Variants in ZNF536 observed in about 807,000 individuals in gnomAD.
ZNF536 encodes the protein zinc finger protein 536.
In ZNF536, 13 loss-of-function variants were observed where a neutral mutation model predicts 84.5. The observed-to-expected ratio is 0.15, with a 90% CI of 0.10 to 0.24. The LOEUF is 0.24. ZNF536 is among the 10% of genes least tolerant of loss of function. The probability of loss-of-function intolerance (pLI) is 1.00; values close to 1 mark genes in which losing one functional copy is unlikely to be tolerated. For synonymous variants in ZNF536, 811 were observed against 742.5 expected (o/e 1.09, Z -1.50); for missense variants, 1,536 against 1,747.5 (o/e 0.88, Z 2.16).
Position 30,689,273 on chromosome 19 carries a change from C to T in ZNF536, c.170-21484C>T, listed in dbSNP as rs952749031. 2.0e-5 allele frequency among the ~76,000 whole-genome samples: 3 copies of T among 152,220 alleles called. No individual in the cohort carries two copies. In the East Asian group the frequency reaches 5.8e-4, roughly 29 times the overall value. On this transcript the variant is annotated intron_variant, in intron 1 of 1. Transcript: ENST00000592773. ...GAATTATTTGGAGCTTTACGCTAAC[C>T]TAACACTGGATATTATCCTGTTGTT...
At chr19:30,321,459 G>C (rs1207867927) in intron 2 of ZNF536, among the ~76,000 whole-genome samples, 1 of 152,174 alleles carries the variant, frequency 6.6e-6, no homozygotes. Flanking sequence ...TCAGGGGACT[G>C]AGGCAGGAGA....
At chr19:30,525,840 A>G (rs2044550645) in intron 2 of ZNF536, among the ~76,000 whole-genome samples, 2 of 152,182 alleles carry the variant, frequency 1.3e-5, no homozygotes, top group South Asian at 4.1e-4. Context: ...CAGAAAGGTG[A>G]GGGTTGGAGT....
At chr19:30,232,008 C>T (rs2023088802) in intron 1 of ZNF536, among the ~76,000 whole-genome samples, 1 of 151,850 alleles carries the variant, frequency 6.6e-6, no homozygotes, top group African/African-American at 2.4e-5. Flanking sequence ...AATGCATCTT[C>T]AGAATAGAGA....
intron 1 of ZNF536, among the ~76,000 whole-genome samples, chr19:30,261,176 T>C (rs888173691): frequency 6.7e-6 from 1 of 149,006 alleles, no homozygotes; most frequent in Non-Finnish European, 1.5e-5. Flanking sequence ...CGGGCGCCTG[T>C]AGTCCCAGCT....
chr19:30,268,142 T>C (rs906487919), intron 1 of ZNF536, among the ~76,000 whole-genome samples: 2 of 149,118 alleles, frequency 1.3e-5, no homozygotes, highest in East Asian at 4.1e-4. Context: ...TTTCCTGAGA[T>C]CCTTTGCAAT....
At chr19:30,493,903 G>A (rs1219787443) in intron 2 of ZNF536, among the ~76,000 whole-genome samples, 3 of 152,102 alleles carry the variant, frequency 2.0e-5, no homozygotes, top group Admixed American at 6.5e-5. Context: ...CTCATACGTG[G>A]AGTGTTTGCA....
intron 1 of ZNF536, among the ~76,000 whole-genome samples, chr19:30,404,171 C>T (rs1017353825): frequency 2.6e-5 from 4 of 152,226 alleles, no homozygotes; most frequent in Non-Finnish European, 5.9e-5. Flanking sequence ...CCACGCAGGG[C>T]CTGCCTACCT....
upstream of ZNF536, among the ~76,000 whole-genome samples, chr19:30,370,867 G>A (rs1364878321): frequency 2.0e-5 from 3 of 152,176 alleles, no homozygotes; most frequent in Non-Finnish European, 2.9e-5. Flanking sequence ...TTGCAAAAAC[G>A]TAATTGCTTC....
chr19:30,466,173 TGA>T (rs1213395372), intron 2 of ZNF536, among the ~76,000 whole-genome samples: 9 of 149,790 alleles, frequency 6.0e-5, no homozygotes, highest in African/African-American at 2.2e-4. Flanking sequence ...CAGTGAGCAA[TGA>T]TCGTTCCACT....
At chr19:30,501,649 C>T (rs1197443100) in intron 2 of ZNF536, among the ~76,000 whole-genome samples, 1 of 152,186 alleles carries the variant, frequency 6.6e-6, no homozygotes, top group African/African-American at 2.4e-5. Flanking sequence ...CATACTGAGA[C>T]TCACACACCT....
chr19:30,679,936 T>C (rs113442116), intron 1 of ZNF536, among the ~76,000 whole-genome samples: 5,337 of 152,158 alleles, frequency 0.035, 112 homozygotes, highest in Middle Eastern at 0.072. Context: ...ACGAGTTTCC[T>C]GCCACCTGGT....
At chr19:30,295,312 A>G (rs575163022) in intron 2 of ZNF536, among the ~76,000 whole-genome samples, 41 of 151,832 alleles carry the variant, frequency 2.7e-4, no homozygotes, top group Non-Finnish European at 4.6e-4. Context: ...GACTTGCCCT[A>G]CAGGAAACAG....
intron 1 of ZNF536, among the ~76,000 whole-genome samples, chr19:30,390,832 G>C (rs985964448): frequency 5.3e-5 from 8 of 152,128 alleles, no homozygotes; most frequent in African/African-American, 2.4e-5. Context: ...CTCAGCCCCC[G>C]TTGGCACCAA....
At chr19:30,708,227 T>C (rs76702783) in intron 1 of ZNF536, among the ~76,000 whole-genome samples, 7,864 of 152,232 alleles carry the variant, frequency 0.052, 274 homozygotes, top group Non-Finnish European at 0.074. Flanking sequence ...GGCATCCTGC[T>C]GATCAAAGCC....
At chr19:30,431,089 G>A (rs555883685) in intron 1 of ZNF536, among the ~76,000 whole-genome samples, 1 of 152,176 alleles carries the variant, frequency 6.6e-6, no homozygotes, top group African/African-American at 2.4e-5. Context: ...TTCGAAATTG[G>A]TCTTTGTCCC....
intron 1 of ZNF536, among the ~76,000 whole-genome samples, chr19:30,373,054 G>T (rs1186650643): frequency 1.3e-5 from 2 of 152,140 alleles, no homozygotes; most frequent in African/African-American, 4.8e-5. Context: ...AGAAAACTCC[G>T]CATCGGGATC....
chr19:30,573,388 C>G (rs1383839557), intron 1 of ZNF536, among the ~76,000 whole-genome samples: 1 of 152,226 alleles, frequency 6.6e-6, no homozygotes, highest in East Asian at 1.9e-4. Flanking sequence ...CCCTGGAATA[C>G]TTCTGCCTGT....
chr19:30,384,479 C>T (rs1211271113), intron 1 of ZNF536, among the ~76,000 whole-genome samples: 1 of 151,432 alleles, frequency 6.6e-6, no homozygotes. Flanking sequence ...TGTGGATGCA[C>T]GATCCCAGTG....
chr19:30,626,392 C>G (rs2048680262), intron 1 of ZNF536, among the ~76,000 whole-genome samples: 1 of 151,512 alleles, frequency 6.6e-6, no homozygotes, highest in Non-Finnish European at 1.5e-5. Flanking sequence ...AGAATGTGCT[C>G]TTTAGTATCA....
Sources: gnomAD v4.1 joint callset for allele counts (sites outside exome capture counted in the v4.1 genomes callset) on GRCh38, gnomAD v4.1.1 for gene constraint, MANE v1.5 for transcripts, NCBI Gene and HGNC (gene_info 2026-07-23, HGNC 2026-07-21) for gene names.